The following DYSF variants were observed in gnomAD, a reference collection of about 807,000 sequenced individuals.
The protein encoded by DYSF is dysferlin, also known as dystrophy-associated fer-1-like 1.
A neutral mutation model predicts 274.9 loss-of-function variants in DYSF; 212 were observed. That is an observed-to-expected ratio of 0.77 (90% CI 0.69 to 0.86). The LOEUF (loss-of-function observed/expected upper bound fraction) is 0.86, where lower values mean the gene tolerates loss of function less well. DYSF is among the 40% of genes least tolerant of loss of function. The pLI is 0.00. For synonymous variants in DYSF, 1,091 were observed against 1,078.7 expected (o/e 1.01, Z -0.22); for missense variants, 2,666 against 2,783.2 (o/e 0.96, Z 0.95).
chr2:71,570,815 A>T, intron 29 of DYSF, 74 bp downstream of exon 29: 1 of 1,593,688 alleles, frequency 6.3e-7, no homozygotes, highest in Non-Finnish European at 8.5e-7. Flanking sequence ...GCAGACCTGC[A>T]TGCCCACAGA....
intron 41 of DYSF, among the ~76,000 whole-genome samples, chr2:71,626,808 T>C (rs1188513672): frequency 6.6e-6 from 1 of 152,038 alleles, no homozygotes; most frequent in Admixed American, 6.5e-5. Flanking sequence ...CTAGACTTAG[T>C]ATTCTTTTTG....
At chr2:71,494,097 G>C (rs957715654) in intron 3 of DYSF, among the ~76,000 whole-genome samples, 2 of 152,052 alleles carry the variant, frequency 1.3e-5, no homozygotes, top group African/African-American at 4.8e-5. Flanking sequence ...CTTTTGTGAG[G>C]GTTTTTGTTA....
chr2:71,459,392 A>C (rs1160958630), intron 1 of DYSF, among the ~76,000 whole-genome samples: 1 of 152,196 alleles, frequency 6.6e-6, no homozygotes, highest in East Asian at 1.9e-4. Context: ...GCCACAAATA[A>C]GTAGTGACAG....
Position 71,656,881 on chromosome 2 carries a change from A to C in DYSF, c.4755+591A>C, listed in dbSNP as rs555186471. The stretch of plus-strand genomic sequence containing the variant: ...ATTCTGGGAGATACAATTGGAGTTG[A>C]GATTTGAGTGGGAATGCAGCCAAAC... On this transcript the variant is annotated intron_variant, in intron 43 of 55. Transcript: ENST00000410020. Among the ~76,000 whole-genome samples, 28 of 152,272 alleles carry C rather than the reference A, an allele frequency of 1.8e-4. No individual in the cohort carries two copies. In the South Asian group the frequency reaches 5.4e-3, roughly 29 times the overall value.
At chr2:71,589,530 T>C in intron 30 of DYSF, 63 bp from the exon 31 acceptor site, 1 of 1,328,446 alleles carries the variant, frequency 7.5e-7, no homozygotes, top group East Asian at 2.3e-5. Flanking sequence ...CTCTCTGGGC[T>C]AGTCTCCCTG....
chr2:71,567,489 G>A (rs1244248644), intron 24 of DYSF, among the ~76,000 whole-genome samples: 2 of 152,142 alleles, frequency 1.3e-5, no homozygotes, highest in East Asian at 1.9e-4. Context: ...CTTTATCTCC[G>A]CAGTCATACT....
chr2:71,634,705 T>G (rs17656117), intron 41 of DYSF, among the ~76,000 whole-genome samples: 40,917 of 152,142 alleles, frequency 0.27, 6,690 homozygotes, highest in East Asian at 0.39. Context: ...TTAGGCAGTC[T>G]GGGCTTTCTA....
intron 13 of DYSF, among the ~76,000 whole-genome samples, chr2:71,527,902 G>T (rs920880354): frequency 6.6e-6 from 1 of 151,928 alleles, no homozygotes; most frequent in Non-Finnish European, 1.5e-5. Context: ...CAGGTAAATC[G>T]CTGCGCTAAT....
intron 55 of DYSF, among the ~76,000 whole-genome samples, chr2:71,685,612 C>T (rs1018987012): frequency 6.6e-6 from 1 of 152,214 alleles, no homozygotes; most frequent in East Asian, 1.9e-4. Context: ...GGCCTAATCC[C>T]CTACCCTCTT....
intron 14 of DYSF, among the ~76,000 whole-genome samples, chr2:71,529,159 C>G (rs971992820): frequency 1.3e-5 from 2 of 152,344 alleles, no homozygotes; most frequent in East Asian, 3.9e-4. Context: ...TCTGTCTTAA[C>G]CAGGTACAAC....
rs540025901 is a variant in DYSF at position 71,629,669 on chromosome 2, T to A, written c.4527+9060T>A. On this transcript the variant is annotated intron_variant, in intron 41 of 55. Transcript: ENST00000410020. ...TCCACTAGTTAGTATGCATTTTGGC[T>A]CCTTATTTCTCTGGATTTTTCCTTT... Among the ~76,000 whole-genome samples, 9 of 152,354 alleles carry A rather than the reference T, an allele frequency of 5.9e-5. No individual in the cohort carries two copies. The East Asian group carries it at 1.7e-3, about 29-fold the overall frequency.
At chr2:71,536,632 G>A (rs915280302) in intron 16 of DYSF, among the ~76,000 whole-genome samples, 2 of 152,258 alleles carry the variant, frequency 1.3e-5, no homozygotes, top group Non-Finnish European at 2.9e-5. Flanking sequence ...CGGGTGAGCT[G>A]TGTCAAAGGC....
At position 71,569,893 on chromosome 2, in the gene DYSF, G is replaced by A. The variant is rs151064013; in HGVS notation, c.2938G>A (p.Gly980Arg). ...EVFENQTRLP[G>R]GQWIYMSDNY... ...GTTTGAGAACCAGACCCGGCTTCCC[G>A]GAGGCCAGTGGATCTACATGAGTGA... The change falls in exon 27 of 56, where the codon GGA (glycine) becomes AGA (arginine). Residue 980 changes from glycine to arginine, a missense_variant. Physicochemically the swap from Gly to Arg is moderately radical, Grantham distance 125 (BLOSUM62 -2). This residue lies in a region of DYSF where 412 missense variants were observed against 504.0 expected (regional missense o/e 0.82). Coordinates refer to ENST00000410020, the MANE Select transcript of DYSF (RefSeq NM_001130987.2). 4.4e-5 allele frequency: 71 copies of A among 1,613,988 alleles called. No homozygotes were observed. The highest frequency in any genetic ancestry group is 5.4e-5 in the Non-Finnish European group (64 of 1,180,028).
At chr2:71,519,143 G>C (rs567010531) in intron 10 of DYSF, among the ~76,000 whole-genome samples, 1 of 147,682 alleles carries the variant, frequency 6.8e-6, no homozygotes, top group East Asian at 2.0e-4. Flanking sequence ...GGACCTGATG[G>C]CTAGATCAGT....
intron 41 of DYSF, among the ~76,000 whole-genome samples, chr2:71,642,820 A>T (rs1388331643): frequency 6.6e-6 from 1 of 152,210 alleles, no homozygotes. Flanking sequence ...AGTAAGCTGG[A>T]GCTCAGAGCA....
In DYSF at chr2:71,568,062, C is replaced by A. The variant is rs781763944; in HGVS notation, c.2677C>A (p.Leu893Met). The A allele has an allele frequency of 1.9e-6, 3 of 1,614,156 alleles. No homozygotes were observed. The Admixed American group carries it at 5.0e-5, about 27-fold the overall frequency. The change falls in exon 25 of 56, where the codon CTG becomes ATG. Residue 893 changes from leucine to methionine, a missense_variant. Physicochemically the swap from Leu to Met is conservative, Grantham distance 15. This residue lies in a region of DYSF where 412 missense variants were observed against 504.0 expected (regional missense o/e 0.82). Coordinates refer to ENST00000410020, the MANE Select transcript of DYSF (RefSeq NM_001130987.2). ...GTTCAACCAGTTTGCTGAGGGGAAG[C>A]TGTCTGTCTTTGCTGAAACCGTGAG... ...KEFNQFAEGK[L>M]SVFAETYENE...
At position 71,668,170 on chromosome 2, in the gene DYSF, C is replaced by T. The variant is rs560562568; in HGVS notation, c.5458-584C>T. On this transcript the variant is annotated intron_variant, in intron 48 of 55. Coordinates refer to ENST00000410020, the MANE Select transcript of DYSF (RefSeq NM_001130987.2). ...CCTTTGTGAATGCCAGAGGACATTA[C>T]CTCTGTTGTTTGGAACTGAGCTCTC... 2.0e-5 allele frequency among the ~76,000 whole-genome samples: 3 copies of T among 152,300 alleles called. 1 individual carries two copies. Among genetic ancestry groups the T allele is most frequent in the Admixed American group, 1.3e-4 (2 of 15,310 alleles).
intron 30 of DYSF, among the ~76,000 whole-genome samples, chr2:71,577,341 A>T (rs1056747966): frequency 6.6e-6 from 1 of 151,268 alleles, no homozygotes; most frequent in African/African-American, 2.4e-5. Flanking sequence ...CCACACATTC[A>T]TACACACCAA....
chr2:71,641,325 C>T lies in DYSF; in HGVS notation c.4528-2640C>T, dbSNP rs11890400. Among the ~76,000 whole-genome samples, 1,422 of 151,466 alleles carry T rather than the reference C, an allele frequency of 9.4e-3. 22 individuals carry two copies. Among genetic ancestry groups the T allele is most frequent in the African/African-American group, 0.033 (1,367 of 41,348 alleles). On this transcript the variant is annotated intron_variant, in intron 41 of 55. Transcript: ENST00000410020. ...TCCCGAGTAGCTGGGACTACAGGCGCCCGCCACCACGCCCGGCTAATTTTT... is the reference window on the plus strand; with the variant it reads ...TCCCGAGTAGCTGGGACTACAGGCGTCCGCCACCACGCCCGGCTAATTTTT...
Sources: allele counts gnomAD v4.1 joint callset (sites outside exome capture counted in the v4.1 genomes callset), GRCh38; gene constraint gnomAD v4.1.1; regional missense constraint gnomAD v4.1.1; transcripts MANE v1.5; gene names NCBI Gene and HGNC (gene_info 2026-07-23, HGNC 2026-07-21).